The following TMEFF2 variants were observed in gnomAD, a reference collection of about 807,000 sequenced individuals.
TMEFF2 encodes tomoregulin-2.
In TMEFF2, 28 loss-of-function variants were observed where a neutral mutation model predicts 53.8. The ratio of observed to expected loss-of-function variants is 0.52; its 90% CI spans 0.39 to 0.71. The LOEUF (loss-of-function observed/expected upper bound fraction) is 0.71, where lower values mean the gene tolerates loss of function less well. TMEFF2 is among the 30% of genes least tolerant of loss of function. TMEFF2 has a pLI of 0.00. For missense variants in TMEFF2, 353 were observed against 455.2 expected (o/e 0.78, Z 2.04); for synonymous variants, 162 against 166.3 (o/e 0.97, Z 0.20).
chr2:191,962,107 C>G (rs1376172987), intron 7 of TMEFF2, among the ~76,000 whole-genome samples: 1 of 152,208 alleles, frequency 6.6e-6, no homozygotes, highest in Non-Finnish European at 1.5e-5. Context: ...GAAAATAACA[C>G]TTCAAAACAG....
chr2:192,070,467 T>C (rs556679743), intron 4 of TMEFF2, among the ~76,000 whole-genome samples: 19 of 151,998 alleles, frequency 1.3e-4, no homozygotes, highest in Middle Eastern at 3.4e-3. Context: ...AATATAAGTC[T>C]GATTAAGATA....
chr2:192,140,078 A>G (rs1690101580), intron 4 of TMEFF2, among the ~76,000 whole-genome samples: 1 of 152,188 alleles, frequency 6.6e-6, no homozygotes, highest in Admixed American at 6.5e-5. Flanking sequence ...AATGATCTTG[A>G]CAGGTTAAAG....
chr2:192,166,738 G>A (rs1316426737), intron 4 of TMEFF2, among the ~76,000 whole-genome samples: 4 of 152,062 alleles, frequency 2.6e-5, no homozygotes, highest in Non-Finnish European at 5.9e-5. Flanking sequence ...TGGGATTAGG[G>A]CAGAGTTTCC....
Position 191,977,300 on chromosome 2 carries a change from AT to A in TMEFF2, c.746-20923del, listed in dbSNP as rs746517668. 7.0e-4 allele frequency among the ~76,000 whole-genome samples: 106 copies of A among 152,314 alleles called. 2 individuals carry two copies. The highest frequency in any genetic ancestry group is 3.4e-3 in the Middle Eastern group (1 of 294). On this transcript the variant is annotated intron_variant, in intron 7 of 9. Transcript: ENST00000272771. Reference sequence around the variant, plus strand: ...GAGTGTGGTCCATGCCATAGGAGCTATTGTACAGTCCCGCTGCAAAGGCGGC... The same window carrying A: ...GAGTGTGGTCCATGCCATAGGAGCTATGTACAGTCCCGCTGCAAAGGCGGC...
chr2:192,176,314 C>G (rs1691042293), intron 4 of TMEFF2, among the ~76,000 whole-genome samples: 1 of 151,200 alleles, frequency 6.6e-6, no homozygotes, highest in South Asian at 2.1e-4. Flanking sequence ...AGATGCCTTT[C>G]AAAACAAACG....
chr2:192,090,459 G>A (rs1688765245), intron 4 of TMEFF2, among the ~76,000 whole-genome samples: 1 of 152,134 alleles, frequency 6.6e-6, no homozygotes, highest in Admixed American at 6.6e-5. Context: ...GTCAAATGCA[G>A]TGATATAATA....
chr2:192,068,690 C>G (rs1688219854), intron 4 of TMEFF2, among the ~76,000 whole-genome samples: 1 of 151,774 alleles, frequency 6.6e-6, no homozygotes, highest in Admixed American at 6.6e-5. Context: ...TCTTTTAGTA[C>G]TTGCCTACTA....
intron 4 of TMEFF2, among the ~76,000 whole-genome samples, chr2:192,071,671 A>G (rs1688296431): frequency 6.6e-6 from 1 of 151,932 alleles, no homozygotes; most frequent in Non-Finnish European, 1.5e-5. Context: ...ACCTATGCAC[A>G]TCCTCTCATC....
At position 192,075,332 on chromosome 2, in the gene TMEFF2, T is replaced by TATATATACACACAC. The variant is rs796267672; in HGVS notation, c.440-17558_440-17557insGTGTGTGTATATAT. On this transcript the variant is annotated intron_variant, in intron 4 of 9. Coordinates refer to ENST00000272771, the MANE Select transcript of TMEFF2 (RefSeq NM_016192.4). The stretch of plus-strand genomic sequence containing the variant: ...ATATATATATATATATATATATATA[T>TATATATACACACAC]ACATACATACTATGTATATCCTTGC... Among the ~76,000 whole-genome samples, 7 of 88,144 alleles carry TATATATACACACAC rather than the reference T, an allele frequency of 7.9e-5. No individual in the cohort carries two copies. In the East Asian group the frequency reaches 2.9e-3, roughly 37 times the overall value. The allele number at this position is 88,144 out of a possible 152,430, so 57.8% of individuals were successfully genotyped here.
intron 4 of TMEFF2, among the ~76,000 whole-genome samples, chr2:192,129,570 A>G (rs535294641): frequency 2.2e-4 from 33 of 152,186 alleles, no homozygotes; most frequent in Admixed American, 3.9e-4. Flanking sequence ...TTCAATTCTA[A>G]GATGAATCCA....
chr2:192,164,564 CT>C (rs1421536298), intron 4 of TMEFF2, among the ~76,000 whole-genome samples: 1 of 152,028 alleles, frequency 6.6e-6, no homozygotes, highest in African/African-American at 2.4e-5. Flanking sequence ...CCCGTCTCTA[CT>C]AAAAATACAA....
chr2:191,983,059 TCTA>T (rs947289282), intron 7 of TMEFF2, among the ~76,000 whole-genome samples: 74 of 152,220 alleles, frequency 4.9e-4, no homozygotes, highest in African/African-American at 1.7e-3. Context: ...CCAGTAGGAT[TCTA>T]CTGTCTCCTA....
chr2:192,112,219 C>T (rs1269660677), intron 4 of TMEFF2, among the ~76,000 whole-genome samples: 2 of 152,190 alleles, frequency 1.3e-5, no homozygotes, highest in African/African-American at 2.4e-5. Context: ...ATACACTCAA[C>T]ACTAGGCCGT....
chr2:192,174,805 T>TG (rs928789500), intron 4 of TMEFF2, among the ~76,000 whole-genome samples: 5 of 151,498 alleles, frequency 3.3e-5, no homozygotes, highest in African/African-American at 1.2e-4. Context: ...AAGCGCTTGG[T>TG]GGGGGGAACA....
chr2:191,961,308 T>C (rs908064860), intron 7 of TMEFF2, among the ~76,000 whole-genome samples: 1 of 152,170 alleles, frequency 6.6e-6, no homozygotes, highest in African/African-American at 2.4e-5. Context: ...CATGCGAGTA[T>C]TACAGTTTGG....
intron 7 of TMEFF2, among the ~76,000 whole-genome samples, chr2:191,997,113 C>T (rs997334621): frequency 6.6e-6 from 1 of 151,856 alleles, no homozygotes; most frequent in Admixed American, 6.6e-5. Context: ...CTATTCTTTT[C>T]AAGGAACATC....
chr2:192,134,034 T>C (rs1007258656), intron 4 of TMEFF2, among the ~76,000 whole-genome samples: 3 of 152,200 alleles, frequency 2.0e-5, no homozygotes, highest in Non-Finnish European at 4.4e-5. Context: ...GACCTTACTG[T>C]TTTAGCCTAG....
intron 5 of TMEFF2, among the ~76,000 whole-genome samples, chr2:192,056,247 G>A (rs1252104800): frequency 6.6e-6 from 1 of 151,854 alleles, no homozygotes; most frequent in East Asian, 1.9e-4. Flanking sequence ...TTCCTGAAAG[G>A]GGTGAGGTAT....
intron 5 of TMEFF2, among the ~76,000 whole-genome samples, chr2:192,039,067 T>C (rs1392718965): frequency 1.3e-5 from 2 of 151,752 alleles, no homozygotes; most frequent in Non-Finnish European, 2.9e-5. Flanking sequence ...TAACTTAACA[T>C]TATAGTAGAA....
Sources: gnomAD v4.1 joint callset for allele counts (sites outside exome capture counted in the v4.1 genomes callset) on GRCh38, gnomAD v4.1.1 for gene constraint, MANE v1.5 for transcripts, NCBI Gene and HGNC (gene_info 2026-07-23, HGNC 2026-07-21) for gene names.